The following CSMD3 variants were observed in gnomAD, a reference collection of about 807,000 sequenced individuals.
CSMD3 encodes CUB and sushi domain-containing protein 3.
In CSMD3, 177 loss-of-function variants were observed where a neutral mutation model predicts 435.2. The ratio of observed to expected loss-of-function variants is 0.41; its 90% CI spans 0.36 to 0.46. The LOEUF (loss-of-function observed/expected upper bound fraction) is 0.46. Ranked by LOEUF, CSMD3 falls within the 20% of genes least tolerant of loss-of-function variation. The pLI is 0.34. For missense variants in CSMD3, 4,265 were observed against 4,504.6 expected, an observed-to-expected ratio of 0.95 and a Z score of 1.52; for synonymous variants, 1,656 against 1,520.5, an observed-to-expected ratio of 1.09 and a Z score of -2.07.
At chr8:113,104,895 A>T (rs1467032907) in intron 4 of CSMD3, among the ~76,000 whole-genome samples, 1 of 152,136 alleles carries the variant, frequency 6.6e-6, no homozygotes, top group African/African-American at 2.4e-5. Context: ...GAATGCACAA[A>T]TATGCTTATT....
At chr8:113,390,310 A>G (rs2094456290) in intron 1 of CSMD3, among the ~76,000 whole-genome samples, 1 of 151,628 alleles carries the variant, frequency 6.6e-6, no homozygotes, top group South Asian at 2.1e-4. Context: ...TGCCAAAACA[A>G]TCTCCATGCA....
chr8:112,781,859 T>C (rs1202078721), intron 13 of CSMD3, among the ~76,000 whole-genome samples: 1 of 152,178 alleles, frequency 6.6e-6, no homozygotes, highest in East Asian at 1.9e-4. Context: ...GCAAGATTTA[T>C]AGCGTTACTG....
At chr8:113,003,204 C>T (rs1213703103) in intron 6 of CSMD3, among the ~76,000 whole-genome samples, 1 of 152,036 alleles carries the variant, frequency 6.6e-6, no homozygotes, top group South Asian at 2.1e-4. Flanking sequence ...AAGATCGCAC[C>T]ATTGCACTTC....
chr8:112,310,523 A>T (rs530776666), intron 50 of CSMD3: 2 of 228,842 alleles, frequency 8.7e-6, no homozygotes, highest in South Asian at 6.3e-5. Context: ...GAAGAAAAAA[A>T]ATATCCAGGT....
intron 39 of CSMD3, among the ~76,000 whole-genome samples, chr8:112,351,862 T>C (rs1387812451): frequency 6.6e-6 from 1 of 151,906 alleles, no homozygotes; most frequent in African/African-American, 2.4e-5. Context: ...TTTAAGGAAA[T>C]TTTTATGTTA....
intron 9 of CSMD3, among the ~76,000 whole-genome samples, chr8:112,932,629 A>G (rs1316633580): frequency 1.3e-5 from 2 of 151,332 alleles, no homozygotes; most frequent in Non-Finnish European, 1.5e-5. Context: ...CAGAGCGAGA[A>G]AAAAAAAAGA....
chr8:112,276,618 C>G (rs1336969062), intron 59 of CSMD3, among the ~76,000 whole-genome samples: 1 of 151,886 alleles, frequency 6.6e-6, no homozygotes, highest in African/African-American at 2.4e-5. Flanking sequence ...GAATTTGGTG[C>G]CCTGCATCCA....
At position 112,263,784 on chromosome 8, in the gene CSMD3, G is replaced by T. The variant is rs533857504; in HGVS notation, c.9717C>A (p.Ile3239=). 6.2e-7 allele frequency: 1 copy of T among 1,613,842 alleles called. No individual in the cohort carries two copies. The highest frequency in any genetic ancestry group is 2.2e-5 in the East Asian group (1 of 44,862). The change falls in exon 61 of 71, where the codon ATC becomes ATA. Residue 3239 remains isoleucine, a synonymous_variant. Transcript: ENST00000297405. The part of the protein sequence containing the change: ...RAVTCPTPPQ[I]SNGRLEGTNF... ...TTGTTCCTTCCAGCCTTCCATTAGA[G>T]ATCTGGGGAGGAGTTGGGCAGGTAA...
chr8:113,258,737 G>A (rs192081401), intron 3 of CSMD3, among the ~76,000 whole-genome samples: 29 of 152,212 alleles, frequency 1.9e-4, no homozygotes, highest in African/African-American at 6.7e-4. Context: ...GTAGGGAAGC[G>A]TTAAGAGATG....
intron 22 of CSMD3, among the ~76,000 whole-genome samples, chr8:112,600,218 C>A (rs1832205877): frequency 6.6e-6 from 1 of 151,830 alleles, no homozygotes; most frequent in Admixed American, 6.6e-5. Flanking sequence ...CTATAGAACA[C>A]GATATATATA....
At chr8:113,092,150 G>A (rs1009044789) in intron 5 of CSMD3, among the ~76,000 whole-genome samples, 2 of 151,982 alleles carry the variant, frequency 1.3e-5, no homozygotes, top group Admixed American at 6.6e-5. Context: ...CTGACATAAA[G>A]CAGTCTCCTA....
At chr8:112,417,856 A>T (rs1812080537) in intron 32 of CSMD3, among the ~76,000 whole-genome samples, 1 of 152,204 alleles carries the variant, frequency 6.6e-6, no homozygotes, top group South Asian at 2.1e-4. Context: ...ACATAGAAGG[A>T]AGTCGGTGCA....
chr8:112,462,048 T>C (rs1448398946), intron 32 of CSMD3, among the ~76,000 whole-genome samples: 1 of 152,198 alleles, frequency 6.6e-6, no homozygotes, highest in African/African-American at 2.4e-5. Flanking sequence ...GCTTAAGTAA[T>C]TTGCTTAAAG....
At chr8:112,450,777 A>C (rs555528864) in intron 32 of CSMD3, among the ~76,000 whole-genome samples, 3 of 152,328 alleles carry the variant, frequency 2.0e-5, no homozygotes, top group Middle Eastern at 3.4e-3. Context: ...TGGAGTCAAT[A>C]ATCTGGGCAA....
At chr8:113,340,532 G>A (rs2094111108) in intron 1 of CSMD3, among the ~76,000 whole-genome samples, 1 of 152,124 alleles carries the variant, frequency 6.6e-6, no homozygotes, top group Admixed American at 6.6e-5. Context: ...TGTATGCTAA[G>A]TTTTAAAAGA....
chr8:112,568,545 G>A (rs531010087), intron 24 of CSMD3, among the ~76,000 whole-genome samples: 183 of 147,754 alleles, frequency 1.2e-3, no homozygotes, highest in Non-Finnish European at 1.2e-3. Context: ...CAGCCTGGGC[G>A]ACAGAGCAAG....
chr8:112,851,863 C>T (rs2080499909), intron 11 of CSMD3, among the ~76,000 whole-genome samples: 1 of 151,960 alleles, frequency 6.6e-6, no homozygotes, highest in Admixed American at 6.5e-5. Context: ...TAAGTATTCC[C>T]CAGTAGAAAG....
chr8:112,935,686 C>T (rs10216764), intron 9 of CSMD3, among the ~76,000 whole-genome samples: 1 of 148,430 alleles, frequency 6.7e-6, no homozygotes, highest in Non-Finnish European at 1.5e-5. Context: ...GAAGAATGAT[C>T]CAAAATGAGC....
chr8:112,850,742 T>C (rs186172554), intron 11 of CSMD3, among the ~76,000 whole-genome samples: 357 of 152,314 alleles, frequency 2.3e-3, no homozygotes, highest in African/African-American at 6.8e-3. Flanking sequence ...ACTTTCTATG[T>C]CTACACAATG....
Sources: allele counts gnomAD v4.1 joint callset (sites outside exome capture counted in the v4.1 genomes callset), GRCh38; gene constraint gnomAD v4.1.1; transcripts MANE v1.5; gene names NCBI Gene and HGNC (gene_info 2026-07-23, HGNC 2026-07-21).